ZAN: variants seen among roughly 807,000 people sequenced by gnomAD.
The protein encoded by ZAN is zonadhesin (gene/pseudogene).
In ZAN, 260 loss-of-function variants were observed where a neutral mutation model predicts 286.2. That is an observed-to-expected ratio of 0.91 (90% CI 0.82 to 1.01). The LOEUF (loss-of-function observed/expected upper bound fraction) is 1.01. Among genes scored for constraint, ZAN ranks in the 50% least tolerant of loss-of-function variants. ZAN has a pLI of 0.00. For missense variants in ZAN, 3,410 were observed against 3,639.2 expected, an observed-to-expected ratio of 0.94 and a Z score of 1.62; for synonymous variants, 1,368 against 1,417.5, an observed-to-expected ratio of 0.97 and a Z score of 0.79.
Position 100,758,205 on chromosome 7 carries a change from G to T in ZAN, c.3313G>T (p.Gly1105Trp). ...ACCTCACATCCCTTTCTCCCAGCCTGGGGCAGAGTGGTTCAGCCCCAACTG... is the reference window on the plus strand; with the variant it reads ...ACCTCACATCCCTTTCTCCCAGCCTTGGGCAGAGTGGTTCAGCCCCAACTG... ...CFYNNDYYEP[G>W]AEWFSPNCTE... Residue 1105 changes from glycine to tryptophan, a missense_variant, in exon 16 of 48, where the codon GGG (glycine) becomes TGG (tryptophan). Gly to Trp is a radical substitution (Grantham distance 184, BLOSUM62 -2). Around this residue, in one of 7 missense-constraint regions of ZAN, gnomAD observed 1,042 missense variants for 1,058.0 expected, o/e 0.98. Coordinates refer to ENST00000613979, the MANE Select transcript of ZAN (RefSeq NM_003386.3). The T allele has an allele frequency of 6.2e-7, 1 of 1,612,206 alleles. No individual in the cohort carries two copies. The highest frequency in any genetic ancestry group is 1.1e-5 in the South Asian group (1 of 90,868).
intron 41 of ZAN, 38 bp downstream of exon 41, chr7:100,792,186 G>A (rs1475691012): frequency 1.3e-6 from 2 of 1,555,992 alleles, no homozygotes; most frequent in Non-Finnish European, 1.7e-6. Context: ...AATGGCCCAG[G>A]TGCCTGCTCT....
At position 100,762,385 on chromosome 7, in the gene ZAN, C is replaced by T. The variant is rs774988972; in HGVS notation, c.3986+27C>T. ...TGAGCAAGGAGCCCTCCCACCGGGG[C>T]CCTGGGAAGGTTCCGTCCCCTTCCT... On this transcript the variant is annotated intron_variant, in intron 20 of 47. Coordinates refer to ENST00000613979, the MANE Select transcript of ZAN (RefSeq NM_003386.3). The T allele has an allele frequency of 2.5e-6, 4 of 1,575,084 alleles. No homozygotes were observed. The African/African-American group carries it at 4.1e-5, about 16-fold the overall frequency.
chr7:100,733,853 T>G (rs1258901765), intron 1 of ZAN, among the ~76,000 whole-genome samples, 174 bp from the exon 2 acceptor site: 1 of 141,572 alleles, frequency 7.1e-6, no homozygotes, highest in Non-Finnish European at 1.6e-5. Context: ...TTGTTCTCTC[T>G]TTTTGAACTC....
rs1257953670 is a variant in ZAN, at chr7:100,736,994, G to A, written c.439G>A (p.Val147Met). Residue 147 changes from valine (V) to methionine (M), a missense_variant, in exon 5 of 48, where the codon GTG (valine) becomes ATG (methionine). By Grantham distance (21) the Val-to-Met change is conservative. This residue lies in a region of ZAN where 872 missense variants were observed against 938.9 expected (regional missense o/e 0.93). Transcript: ENST00000613979. ...GGGTGAAGAGGGCCGCCGCCCCGATGTGCTCTGGAAACACTGGAACACCCA... is the reference window on the plus strand; with the variant it reads ...GGGTGAAGAGGGCCGCCGCCCCGATATGCTCTGGAAACACTGGAACACCCA... ...LSGEEGRRPD[V>M]LWKHWNTQRP... The A allele has an allele frequency of 1.3e-6, 2 of 1,502,660 alleles. No homozygotes were observed. The highest frequency in any genetic ancestry group is 2.3e-5 in the East Asian group (1 of 43,148). The allele number at this position is 1,502,660 out of a possible 1,614,324, so 93.1% of individuals were successfully genotyped here. A position where few individuals can be genotyped will look rare whatever the true frequency, so the allele number is the denominator to read the frequency against.
At chr7:100,776,111 C>T (rs896791956) in intron 33 of ZAN, among the ~76,000 whole-genome samples, 3 of 151,586 alleles carry the variant, frequency 2.0e-5, no homozygotes, top group Non-Finnish European at 2.9e-5. Flanking sequence ...GTCAGGAGGT[C>T]GAGACCAGCC....
chr7:100,772,831 A>T (rs2116123707), intron 29 of ZAN, among the ~76,000 whole-genome samples: 1 of 139,094 alleles, frequency 7.2e-6, no homozygotes, highest in Admixed American at 7.1e-5. Context: ...AGAAAAAAAA[A>T]ATTGTTAAAA....
intron 7 of ZAN, among the ~76,000 whole-genome samples, chr7:100,745,383 C>G (rs111957162): frequency 0.011 from 1,723 of 151,842 alleles, 77 homozygotes; most frequent in African/African-American, 0.039. Context: ...TGAGCACGCA[C>G]GCGAGCGCGC....
chr7:100,773,426 T>C lies in ZAN; in HGVS notation c.5567T>C (p.Leu1856Ser). 6.2e-7 allele frequency: 1 copy of C among 1,614,004 alleles called. No homozygotes were observed. The highest frequency in any genetic ancestry group is 8.5e-7 in the Non-Finnish European group (1 of 1,179,884). ...ESCECQKGHI[L>S]SGTSCVPLGQ... ...TGTGAATGTCAGAAAGGCCACATCT[T>C]GAGTGGAACCTCCTGCGTGCCCCTT... is the stretch of plus-strand genomic sequence containing the variant. Residue 1856 changes from leucine to serine, a missense_variant, in exon 30 of 48, where the codon TTG becomes TCG. Leu to Ser is a moderately radical substitution (Grantham distance 145, BLOSUM62 -2). Transcript: ENST00000613979.
At chr7:100,742,772 G>C (rs1243595406) in intron 7 of ZAN, among the ~76,000 whole-genome samples, 1 of 56,692 alleles carries the variant, frequency 1.8e-5, no homozygotes. Context: ...AGGAGAATCA[G>C]GCAGGGAGGT....
At position 100,779,568 on chromosome 7, in the gene ZAN, C is replaced by T. The variant is rs777128030; in HGVS notation, c.6440C>T (p.Ala2147Val). ...AREKCEAALR[A>V]PVWAQCASRI... ...GAAAAGTGCGAGGCAGCGCTCCGGGCTCCTGTGTGGGCCCAGTGCGCCTCC... is the reference window on the plus strand; with the variant it reads ...GAAAAGTGCGAGGCAGCGCTCCGGGTTCCTGTGTGGGCCCAGTGCGCCTCC... The change falls in exon 35 of 48, where the codon GCT becomes GTT. Residue 2147 changes from alanine to valine, a missense_variant. Ala to Val is a moderately conservative substitution (Grantham distance 64, BLOSUM62 0). Coordinates refer to ENST00000613979, the MANE Select transcript of ZAN (RefSeq NM_003386.3). 2 of 1,610,632 alleles carry T rather than the reference C, an allele frequency of 1.2e-6. No individual in the cohort carries two copies. Among genetic ancestry groups the T allele is most frequent in the Non-Finnish European group, 1.7e-6 (2 of 1,178,606 alleles).
At chr7:100,789,634 A>AC (rs768476616) in intron 39 of ZAN, among the ~76,000 whole-genome samples, 3 of 151,462 alleles carry the variant, frequency 2.0e-5, no homozygotes, top group Non-Finnish European at 1.5e-5. Flanking sequence ...ACATAGTGAG[A>AC]CCCCCGTCTC....
intron 22 of ZAN, among the ~76,000 whole-genome samples, chr7:100,765,142 C>CTAAG (rs1809864467): frequency 6.6e-6 from 1 of 152,170 alleles, no homozygotes; most frequent in African/African-American, 2.4e-5. Context: ...ATAGGTCTAT[C>CTAAG]TAAGTCTCTC....
intron 35 of ZAN, among the ~76,000 whole-genome samples, chr7:100,781,280 T>G (rs930085530): frequency 1.3e-5 from 2 of 151,916 alleles, no homozygotes; most frequent in African/African-American, 4.8e-5. Flanking sequence ...GTTGGCCAGG[T>G]TGGTCTCGAT....
intron 34 of ZAN, among the ~76,000 whole-genome samples, chr7:100,778,045 G>T (rs988347882): frequency 2.0e-5 from 3 of 151,848 alleles, no homozygotes; most frequent in Non-Finnish European, 2.9e-5. Context: ...TCATGCCTGT[G>T]ATTCCAGCAC....
intron 38 of ZAN, among the ~76,000 whole-genome samples, 160 bp downstream of exon 38, chr7:100,788,296 A>C (rs1404459401): frequency 6.6e-6 from 1 of 152,060 alleles, no homozygotes; most frequent in Non-Finnish European, 1.5e-5. Flanking sequence ...CACGCCTGTA[A>C]TCTCAGCTAC....
Position 100,758,314 on chromosome 7 carries a change from A to G in ZAN, c.3422A>G (p.Lys1141Arg). 1 of 1,613,288 alleles carries G rather than the reference A, an allele frequency of 6.2e-7. No homozygotes were observed. The highest frequency in any genetic ancestry group is 8.5e-7 in the Non-Finnish European group (1 of 1,179,862). Residue 1141 changes from lysine (K) to arginine (R), a missense_variant, in exon 16 of 48, where the codon AAG becomes AGG. Lys to Arg is a conservative substitution (Grantham distance 26, BLOSUM62 2). Transcript: ENST00000613979. Reference protein sequence around the residue: ...QCGTHTVCQLKNGQYGCHPYA... With the variant: ...QCGTHTVCQLRNGQYGCHPYA... ...GGGACACACACCGTGTGCCAGCTTA[A>G]GAATGGCCAGTATGGATGCCACCCC...
At chr7:100,768,919 C>T (rs554231383) in intron 27 of ZAN, among the ~76,000 whole-genome samples, 198 bp downstream of exon 27, 35 of 152,288 alleles carry the variant, frequency 2.3e-4, no homozygotes, top group Middle Eastern at 6.8e-3. Context: ...CCCACGCCCA[C>T]GCCTGCTGAT....
chr7:100,775,062 A>T (rs1008253881), intron 31 of ZAN, among the ~76,000 whole-genome samples: 1 of 151,972 alleles, frequency 6.6e-6, no homozygotes, highest in Non-Finnish European at 1.5e-5. Context: ...CAAGTAGCTG[A>T]GATTACAGGC....
rs576371922 is a variant in ZAN at position 100,786,111 on chromosome 7, G to A, written c.6949G>A (p.Asp2317Asn). The A allele has an allele frequency of 7.2e-5, 116 of 1,613,794 alleles. No homozygotes were observed. Among genetic ancestry groups the A allele is most frequent in the South Asian group, 3.7e-4 (34 of 91,088 alleles). The change falls in exon 37 of 48, where the codon GAC becomes AAC. Residue 2317 changes from aspartate to asparagine, a missense_variant. Around this residue, in one of 7 missense-constraint regions of ZAN, gnomAD observed 1,289 missense variants for 1,314.3 expected, o/e 0.98. Transcript: ENST00000613979. ...TGGGTCCCACTGCCAGCTCACTTCC[G>A]ACAACAGCAACAGCAATTGTGTCTC... ...PSGSHCQLTS[D>N]NSNSNCVSDK... is the part of the protein sequence containing the mutation.
Sources: allele counts gnomAD v4.1 joint callset (sites outside exome capture counted in the v4.1 genomes callset), GRCh38; gene constraint gnomAD v4.1.1; regional missense constraint gnomAD v4.1.1; transcripts MANE v1.5; gene names NCBI Gene and HGNC (gene_info 2026-07-23, HGNC 2026-07-21).